RAMP2: variants seen among roughly 807,000 people sequenced by gnomAD.
The protein encoded by RAMP2 is receptor activity-modifying protein 2.
A neutral mutation model predicts 18.2 loss-of-function variants in RAMP2; 11 were observed. The observed-to-expected ratio is 0.60, with a 90% CI of 0.38 to 1.00. The LOEUF (loss-of-function observed/expected upper bound fraction) is 1.00. Ranked by LOEUF, RAMP2 falls within the 50% of genes least tolerant of loss-of-function variation. The pLI is 0.01. For missense variants in RAMP2, 191 were observed against 226.5 expected (o/e 0.84, Z 1.01); for synonymous variants, 86 against 90.8 (o/e 0.95, Z 0.30).
At chr17:42,762,554 T>G (rs771763881) in intron 3 of RAMP2, 43 bp from the exon 4 acceptor site, 1 of 1,603,466 alleles carries the variant, frequency 6.2e-7, no homozygotes, top group Non-Finnish European at 8.5e-7. Flanking sequence ...CTCTTCTCCC[T>G]GGGTCCACCC....
Position 42,763,007 on chromosome 17 carries a change from T to C in RAMP2, c.*155T>C. On this transcript the variant is annotated 3_prime_UTR_variant, in exon 4 of 4. Coordinates refer to ENST00000253796, the MANE Select transcript of RAMP2 (RefSeq NM_005854.3). Reference sequence around the variant, plus strand: ...CCAGGTGGGGTCATGGCACAAGTTCTGTAATCTTCAAAATAAAACTTTTTT... The same window carrying C: ...CCAGGTGGGGTCATGGCACAAGTTCCGTAATCTTCAAAATAAAACTTTTTT... 2 of 885,754 alleles carry C rather than the reference T, an allele frequency of 2.3e-6. No individual in the cohort carries two copies. Among genetic ancestry groups the C allele is most frequent in the Non-Finnish European group, 3.3e-6 (2 of 609,592 alleles). The allele number at this position is 885,754 out of a possible 1,614,324, so 54.9% of individuals were successfully genotyped here. A position where few individuals can be genotyped will look rare whatever the true frequency, so the allele number is the denominator to read the frequency against.
intron 3 of RAMP2, 33 bp downstream of exon 3, chr17:42,762,496 G>A: frequency 1.2e-6 from 2 of 1,613,160 alleles, no homozygotes; most frequent in Non-Finnish European, 1.7e-6. Context: ...GCTCAGGCCA[G>A]GGGGTGGACC....
At position 42,761,275 on chromosome 17, in the gene RAMP2, G is replaced by A. The variant is rs1398438944; in HGVS notation, c.14G>A (p.Arg5Gln). The A allele has an allele frequency of 1.4e-6, 2 of 1,421,470 alleles. No homozygotes were observed. Among genetic ancestry groups the A allele is most frequent in the South Asian group, 1.5e-5 (1 of 68,618 alleles). 88.1% of individuals were successfully genotyped at this position (1,421,470 alleles called of 1,614,324 possible). Residue 5 changes from arginine to glutamine, a missense_variant, in exon 1 of 4, where the codon CGG (arginine) becomes CAG (glutamine). By Grantham distance (43) the Arg-to-Gln change is conservative. Transcript: ENST00000253796. This position sits in a 1 kb window ranked among gnomAD's most constrained non-coding sequence, Gnocchi z 4.2. ...CCTTGCTGCACGATGGCCTCGCTCC[G>A]GGTGGAGCGCGCCGGCGGCCCGCGT... is the stretch of plus-strand genomic sequence containing the variant. Reference protein sequence around the residue: MASLRVERAGGPRLP... With the variant: MASLQVERAGGPRLP...
At position 42,762,993 on chromosome 17, in the gene RAMP2, C is replaced by T; in HGVS notation, c.*141C>T. 1 of 1,008,208 alleles carries T rather than the reference C, an allele frequency of 9.9e-7. No homozygotes were observed. Among genetic ancestry groups the T allele is most frequent in the African/African-American group, 1.6e-5 (1 of 61,772 alleles). 62.5% of individuals were successfully genotyped at this position (1,008,208 alleles called of 1,614,324 possible). A position where few individuals can be genotyped will look rare whatever the true frequency, so the allele number is the denominator to read the frequency against. On this transcript the variant is annotated 3_prime_UTR_variant, in exon 4 of 4. Coordinates refer to ENST00000253796, the MANE Select transcript of RAMP2 (RefSeq NM_005854.3). ...GCTGGGAATGGAAGCCAGGTGGGGT[C>T]ATGGCACAAGTTCTGTAATCTTCAA... is the stretch of plus-strand genomic sequence containing the variant.
intron 2 of RAMP2, 131 bp from the exon 3 acceptor site, chr17:42,762,224 T>G (rs1422328868): frequency 7.3e-7 from 1 of 1,375,226 alleles, no homozygotes; most frequent in Admixed American, 1.8e-5. Flanking sequence ...TCAGCCAGAA[T>G]GTTTTGCTAG....
chr17:42,762,063 A>T (rs539564075), intron 2 of RAMP2, among the ~76,000 whole-genome samples, 164 bp downstream of exon 2: 1 of 151,900 alleles, frequency 6.6e-6, no homozygotes, highest in Non-Finnish European at 1.5e-5. Context: ...CTGTCCTCCT[A>T]CAAAGCCCCT....
chr17:42,761,441 C>T lies in RAMP2; in HGVS notation c.97+83C>T. 1 of 1,137,798 alleles carries T rather than the reference C, an allele frequency of 8.8e-7. No individual in the cohort carries two copies. The highest frequency in any genetic ancestry group is 1.1e-6 in the Non-Finnish European group (1 of 874,404). 70.5% of individuals were successfully genotyped at this position (1,137,798 alleles called of 1,614,324 possible). A position where few individuals can be genotyped will look rare whatever the true frequency, so the allele number is the denominator to read the frequency against. On this transcript the variant is annotated intron_variant, in intron 1 of 3. Transcript: ENST00000253796. This position sits in a 1 kb window ranked among gnomAD's most constrained non-coding sequence, Gnocchi z 4.2. ...GGGAGAGGGGAGAGGGGCTGGATGG[C>T]CGAGGCCGGAACGGGCCCTGGGGTG...
In RAMP2 at chr17:42,762,790, C is replaced by G. The variant is rs1196468977; in HGVS notation, c.466C>G (p.Leu156Val). Residue 156 changes from leucine to valine, a missense_variant, in exon 4 of 4, where the codon CTC (leucine) becomes GTC (valine). Coordinates refer to ENST00000253796, the MANE Select transcript of RAMP2 (RefSeq NM_005854.3). ...GGCCATGATCATAGCCCCCATCTGC[C>G]TCATCCCCTTCCTCATCACTCTTGT... ...LLAMIIAPIC[L>V]IPFLITLVVW... 6.2e-7 allele frequency: 1 copy of G among 1,613,928 alleles called. No homozygotes were observed. Among genetic ancestry groups the G allele is most frequent in the African/African-American group, 1.3e-5 (1 of 75,030 alleles).
intron 2 of RAMP2, 110 bp downstream of exon 2, chr17:42,762,009 C>T (rs960051842): frequency 3.8e-6 from 4 of 1,042,076 alleles, no homozygotes; most frequent in Admixed American, 2.1e-5. Flanking sequence ...TGCCCCACTA[C>T]ACTCCCCTCT....
chr17:42,762,760 C>T lies in RAMP2; in HGVS notation c.436C>T (p.Leu146Phe), dbSNP rs370655794. The change falls in exon 4 of 4, where the codon CTC becomes TTC. Residue 146 changes from leucine to phenylalanine, a missense_variant. Coordinates refer to ENST00000253796, the MANE Select transcript of RAMP2 (RefSeq NM_005854.3). ...PTFSDPPEDV[L>F]LAMIIAPICL... ...CTTCTCTGACCCCCCAGAGGATGTA[C>T]TCCTGGCCATGATCATAGCCCCCAT... 7 of 1,613,984 alleles carry T rather than the reference C, an allele frequency of 4.3e-6. No homozygotes were observed. In the African/African-American group the frequency reaches 8.0e-5, roughly 18 times the overall value.
At position 42,761,595 on chromosome 17, in the gene RAMP2, G is replaced by A. The variant is rs909471235; in HGVS notation, c.97+237G>A. 3.3e-5 allele frequency among the ~76,000 whole-genome samples: 5 copies of A among 152,204 alleles called. No individual in the cohort carries two copies. Among genetic ancestry groups the A allele is most frequent in the Admixed American group, 6.5e-5 (1 of 15,284 alleles). On this transcript the variant is annotated intron_variant, in intron 1 of 3. Transcript: ENST00000253796. The surrounding 1 kb of genome is among the most constrained non-coding windows in gnomAD (Gnocchi z 4.2). Reference sequence around the variant, plus strand: ...GGTGCTGGCCCCGGCCCCTCGAAGAGGGCTTAGGAGGACGGAAGCTGGCCA... The same window carrying A: ...GGTGCTGGCCCCGGCCCCTCGAAGAAGGCTTAGGAGGACGGAAGCTGGCCA...
rs992951260 is a variant in RAMP2, at chr17:42,761,553, C to T, written c.97+195C>T. On this transcript the variant is annotated intron_variant, in intron 1 of 3. Coordinates refer to ENST00000253796, the MANE Select transcript of RAMP2 (RefSeq NM_005854.3). The surrounding 1 kb of genome is among the most constrained non-coding windows in gnomAD (Gnocchi z 4.2). ...GGCGGGCGCAGCATGAGCTGCTTCC[C>T]ACCCAGGGAAAGCTGGGGTGCTGGC... 6.6e-6 allele frequency among the ~76,000 whole-genome samples: 1 copy of T among 152,184 alleles called. No homozygotes were observed. The highest frequency in any genetic ancestry group is 2.4e-5 in the African/African-American group (1 of 41,460).
In RAMP2 at chr17:42,762,821, G is replaced by A. The variant is rs749294029; in HGVS notation, c.497G>A (p.Trp166Ter). 1 of 1,611,686 alleles carries A rather than the reference G, an allele frequency of 6.2e-7. No individual in the cohort carries two copies. The highest frequency in any genetic ancestry group is 8.5e-7 in the Non-Finnish European group (1 of 1,178,504). Reference protein sequence around the residue: ...LIPFLITLVVWRSKDSEAQA With the variant: ...LIPFLITLVV ...CCCTTCCTCATCACTCTTGTAGTAT[G>A]GAGGAGTAAAGACAGTGAGGCCCAG... Residue 166 changes from tryptophan (W) to a stop codon, truncating the protein, a stop_gained, in exon 4 of 4, where the codon TGG (tryptophan) becomes TAG (stop). Transcript: ENST00000253796. LOFTEE classifies it high-confidence loss of function.
At position 42,762,744 on chromosome 17, in the gene RAMP2, C is replaced by T. The variant is rs377604752; in HGVS notation, c.420C>T (p.Asp140=). The T allele has an allele frequency of 3.8e-5, 61 of 1,613,984 alleles. No homozygotes were observed. The Middle Eastern group carries it at 9.9e-4, about 26-fold the overall frequency. Residue 140 remains aspartate (D), a synonymous_variant, in exon 4 of 4, where the codon GAC becomes GAT. Transcript: ENST00000253796. ...CCCTGGTGCAGCCCACCTTCTCTGA[C>T]CCCCCAGAGGATGTACTCCTGGCCA... ...NCSLVQPTFS[D]PPEDVLLAMI...
At position 42,761,276 on chromosome 17, in the gene RAMP2, G is replaced by A; in HGVS notation, c.15G>A (p.Arg5=). The change falls in exon 1 of 4, where the codon CGG becomes CGA. Residue 5 remains arginine, a synonymous_variant. Transcript: ENST00000253796. The surrounding 1 kb of genome is among the most constrained non-coding windows in gnomAD (Gnocchi z 4.2). MASL[R]VERAGGPRLP... ...CTTGCTGCACGATGGCCTCGCTCCG[G>A]GTGGAGCGCGCCGGCGGCCCGCGTC... is the stretch of plus-strand genomic sequence containing the variant. 1.5e-6 allele frequency: 2 copies of A among 1,361,368 alleles called. No individual in the cohort carries two copies. The highest frequency in any genetic ancestry group is 1.9e-6 in the Non-Finnish European group (2 of 1,054,562). 84.3% of individuals were successfully genotyped at this position (1,361,368 alleles called of 1,614,324 possible). A position where few individuals can be genotyped will look rare whatever the true frequency, so the allele number is the denominator to read the frequency against.
In RAMP2 at chr17:42,761,315, A is replaced by G; in HGVS notation, c.54A>G (p.Arg18=). 1.6e-6 allele frequency: 2 copies of G among 1,286,034 alleles called. No individual in the cohort carries two copies. The highest frequency in any genetic ancestry group is 9.9e-7 in the Non-Finnish European group (1 of 1,013,502). The allele number at this position is 1,286,034 out of a possible 1,614,324, so 79.7% of individuals were successfully genotyped here. ...GCGGCCCGCGTCTCCCTAGGACCCG[A>G]GTCGGGCGGCCGGCAGCGCTCCGCC... is the stretch of plus-strand genomic sequence containing the variant. ...RAGGPRLPRT[R]VGRPAALRLL... The change falls in exon 1 of 4, where the codon CGA becomes CGG. Residue 18 remains arginine (R), a synonymous_variant. Transcript: ENST00000253796. This position sits in a 1 kb window ranked among gnomAD's most constrained non-coding sequence, Gnocchi z 4.2.
At chr17:42,762,315 G>T (rs1342567945) in intron 2 of RAMP2, 40 bp from the exon 3 acceptor site, 1 of 1,613,500 alleles carries the variant, frequency 6.2e-7, no homozygotes, top group African/African-American at 1.3e-5. Context: ...TTGTAGGGAG[G>T]GGTAGGGGTG....
rs372598030 is a variant in RAMP2, at chr17:42,762,039, C to T, written c.163+140C>T. ...CCCTCTGTTCTTTCTTGGGGTTCCT[C>T]GTGGTCTTTCTCCCTGTCCTCCTAC... On this transcript the variant is annotated intron_variant, in intron 2 of 3. Coordinates refer to ENST00000253796, the MANE Select transcript of RAMP2 (RefSeq NM_005854.3). 8 of 920,610 alleles carry T rather than the reference C, an allele frequency of 8.7e-6. No homozygotes were observed. The African/African-American group carries it at 1.2e-4, about 13-fold the overall frequency. 57.0% of individuals were successfully genotyped at this position (920,610 alleles called of 1,614,324 possible).
In RAMP2 at chr17:42,761,337, C is replaced by T. The variant is rs919337527; in HGVS notation, c.76C>T (p.Arg26Cys). 6.6e-6 allele frequency: 9 copies of T among 1,361,532 alleles called. No homozygotes were observed. In the African/African-American group the frequency reaches 1.1e-4, roughly 16 times the overall value. The allele number at this position is 1,361,532 out of a possible 1,614,324, so 84.3% of individuals were successfully genotyped here. ...RTRVGRPAAL[R>C]LLLLLGAVLN... The stretch of plus-strand genomic sequence containing the variant: ...CCGAGTCGGGCGGCCGGCAGCGCTC[C>T]GCCTCCTCCTCCTGCTGGGCGGTGA... The change falls in exon 1 of 4, where the codon CGC (arginine) becomes TGC (cysteine). Residue 26 changes from arginine to cysteine, a missense_variant. Transcript: ENST00000253796. This position sits in a 1 kb window ranked among gnomAD's most constrained non-coding sequence, Gnocchi z 4.2.
Sources: allele counts gnomAD v4.1 joint callset (sites outside exome capture counted in the v4.1 genomes callset), GRCh38; gene constraint gnomAD v4.1.1; non-coding constraint Gnocchi (gnomAD v3.1); transcripts MANE v1.5; gene names NCBI Gene and HGNC (gene_info 2026-07-23, HGNC 2026-07-21).